DAB1: variants seen among roughly 807,000 people sequenced by gnomAD.
DAB1 encodes the protein disabled homolog 1.
Under a neutral mutation model 64.6 loss-of-function variants are expected in DAB1, and 15 were observed. The observed-to-expected ratio is 0.23, with a 90% CI of 0.16 to 0.36. The LOEUF is 0.36. Among genes scored for constraint, DAB1 ranks in the 10% least tolerant of loss-of-function variants. The pLI is 1.00. For synonymous variants in DAB1, 235 were observed against 251.9 expected, an observed-to-expected ratio of 0.93 and a Z score of 0.64; for missense variants, 596 against 706.7, an observed-to-expected ratio of 0.84 and a Z score of 1.78.
intron 4 of DAB1, among the ~76,000 whole-genome samples, chr1:58,236,197 G>A (rs1373696396): frequency 2.7e-5 from 4 of 150,926 alleles, no homozygotes; most frequent in African/African-American, 9.7e-5. Flanking sequence ...GGAACAACCT[G>A]CAGAGAAATG....
chr1:57,664,048 T>A (rs1248514169), intron 6 of DAB1, among the ~76,000 whole-genome samples: 1 of 152,214 alleles, frequency 6.6e-6, no homozygotes, highest in Admixed American at 6.5e-5. Context: ...CACTGCTGTG[T>A]GACCTAGGAC....
chr1:57,711,808 AT>A (rs1312069908), intron 6 of DAB1, among the ~76,000 whole-genome samples: 8 of 152,334 alleles, frequency 5.3e-5, no homozygotes. Context: ...AGGCAAACTG[AT>A]TTTTAATAAG....
rs566459882 is a variant in DAB1, at chr1:57,574,117, G to A, written n.625+75475C>T. Among the ~76,000 whole-genome samples the A allele has an allele frequency of 1.5e-3, 233 of 152,316 alleles. 1 individual carries two copies. The highest frequency in any genetic ancestry group is 2.3e-3 in the Non-Finnish European group (159 of 68,020). On this transcript the variant is annotated intron_variant and non_coding_transcript_variant, in intron 7 of 20. Coordinates refer to the DAB1 transcript ENST00000485760. The stretch of plus-strand genomic sequence containing the variant: ...ATCCTGGGGATTTTTCCAAACTTTT[G>A]TTCAACTAAGATGGATTCTGATACC...
intron 5 of DAB1, among the ~76,000 whole-genome samples, chr1:57,931,995 C>T (rs1644959684): frequency 6.6e-6 from 1 of 152,030 alleles, no homozygotes; most frequent in Non-Finnish European, 1.5e-5. Context: ...CTACAAATTT[C>T]CCTCTAAGCA....
At chr1:58,286,061 G>A (rs989870266) in intron 4 of DAB1, among the ~76,000 whole-genome samples, 1 of 151,772 alleles carries the variant, frequency 6.6e-6, no homozygotes, top group Admixed American at 6.6e-5. Flanking sequence ...AACAAGCATT[G>A]GGGAAAGGAT....
At chr1:57,898,930 T>C (rs192635273) in intron 5 of DAB1, among the ~76,000 whole-genome samples, 111 of 152,250 alleles carry the variant, frequency 7.3e-4, no homozygotes, top group Non-Finnish European at 4.0e-4. Flanking sequence ...TTTTCCTCCA[T>C]ATTCCTTGCC....
intron 4 of DAB1, among the ~76,000 whole-genome samples, chr1:58,218,447 C>A (rs1272112106): frequency 6.6e-6 from 1 of 152,152 alleles, no homozygotes; most frequent in Non-Finnish European, 1.5e-5. Context: ...GACATTACAT[C>A]AGGCCAGGTG....
chr1:57,451,799 CT>C (rs1331453902), intron 7 of DAB1, among the ~76,000 whole-genome samples: 1 of 151,946 alleles, frequency 6.6e-6, no homozygotes, highest in Non-Finnish European at 1.5e-5. Context: ...GGTGAAAATC[CT>C]TGTAGGGGGA....
chr1:58,236,225 A>G (rs1328388407), intron 4 of DAB1, among the ~76,000 whole-genome samples: 1 of 152,044 alleles, frequency 6.6e-6, no homozygotes, highest in Non-Finnish European at 1.5e-5. Flanking sequence ...CCTTCTTCCA[A>G]TAAACTTTCA....
intron 7 of DAB1, among the ~76,000 whole-genome samples, chr1:57,507,766 A>C (rs1250940092): frequency 6.6e-6 from 1 of 152,154 alleles, no homozygotes; most frequent in East Asian, 1.9e-4. Context: ...TATCTCAGAT[A>C]TGTCTAGAGG....
intron 6 of DAB1, among the ~76,000 whole-genome samples, chr1:57,770,777 T>C (rs1164704724): frequency 6.6e-6 from 1 of 152,044 alleles, no homozygotes; most frequent in Non-Finnish European, 1.5e-5. Context: ...AAACAACTAT[T>C]GGCACTTACA....
chr1:57,811,894 G>A (rs1002747591), intron 6 of DAB1, among the ~76,000 whole-genome samples: 1 of 152,306 alleles, frequency 6.6e-6, no homozygotes, highest in African/African-American at 2.4e-5. Flanking sequence ...AATATGTAAA[G>A]TTCTACAGGG....
chr1:57,447,660 A>G (rs189607765), intron 7 of DAB1, among the ~76,000 whole-genome samples: 8 of 152,296 alleles, frequency 5.3e-5, no homozygotes, highest in Admixed American at 4.6e-4. Flanking sequence ...TTTGTTTCAA[A>G]TCGTATAATG....
intron 6 of DAB1, among the ~76,000 whole-genome samples, chr1:57,698,089 AC>A (rs1402372240): frequency 6.8e-6 from 1 of 147,064 alleles, no homozygotes; most frequent in African/African-American, 2.5e-5. Context: ...AAACTTGTCC[AC>A]TTTTTTTTTT....
At chr1:57,730,775 T>C (rs1647374845) in intron 6 of DAB1, among the ~76,000 whole-genome samples, 1 of 152,160 alleles carries the variant, frequency 6.6e-6, no homozygotes, top group Non-Finnish European at 1.5e-5. Flanking sequence ...TCAGTAAATA[T>C]CAATTTCACA....
chr1:58,341,971 T>C (rs572004526), intron 4 of DAB1, among the ~76,000 whole-genome samples: 7 of 152,132 alleles, frequency 4.6e-5, no homozygotes, highest in Non-Finnish European at 8.8e-5. Context: ...GCTTGAAAAA[T>C]GGTAGACACA....
chr1:58,415,158 T>C (rs1423394980), intron 3 of DAB1, among the ~76,000 whole-genome samples: 3 of 152,088 alleles, frequency 2.0e-5, no homozygotes, highest in Non-Finnish European at 4.4e-5. Context: ...CCCCTCTCTC[T>C]CTCTCTGAAT....
chr1:58,099,110 G>C (rs1651162163), intron 5 of DAB1, among the ~76,000 whole-genome samples: 1 of 152,158 alleles, frequency 6.6e-6, no homozygotes, highest in African/African-American at 2.4e-5. Flanking sequence ...AATGATTCTT[G>C]TCCACAGCTG....
intron 9 of DAB1, among the ~76,000 whole-genome samples, chr1:57,051,251 G>C (rs1649155670): frequency 6.6e-6 from 1 of 152,182 alleles, no homozygotes; most frequent in Non-Finnish European, 1.5e-5. Flanking sequence ...ACCTCCTCTT[G>C]TGTGACATCT....
Sources: allele counts gnomAD v4.1 joint callset (sites outside exome capture counted in the v4.1 genomes callset), GRCh38; gene constraint gnomAD v4.1.1; transcripts MANE v1.5; gene names NCBI Gene and HGNC (gene_info 2026-07-23, HGNC 2026-07-21).